ZNF398: variants seen among roughly 807,000 people sequenced by gnomAD.
ZNF398 encodes zinc finger protein 398, also known as zinc finger DNA binding protein ZER6.
Under a neutral mutation model 41.9 loss-of-function variants are expected in ZNF398, and 18 were observed. The observed-to-expected ratio is 0.43, with a 90% CI of 0.30 to 0.64. The LOEUF is 0.64. Among genes scored for constraint, ZNF398 ranks in the 30% least tolerant of loss-of-function variants. The probability of loss-of-function intolerance (pLI) is 0.14; values close to 1 mark genes in which losing one functional copy is unlikely to be tolerated. For synonymous variants in ZNF398, 260 were observed against 308.8 expected, an observed-to-expected ratio of 0.84 and a Z score of 1.66; for missense variants, 669 against 822.8, an observed-to-expected ratio of 0.81 and a Z score of 2.29.
Position 149,147,752 on chromosome 7 carries a change from G to T in ZNF398, c.10G>T (p.Ala4Ser). 7.2e-7 allele frequency: 1 copy of T among 1,384,004 alleles called. No individual in the cohort carries two copies. 85.7% of individuals were successfully genotyped at this position (1,384,004 alleles called of 1,614,324 possible). MAE[A>S]APAPTSEWDS... is the part of the protein sequence containing the mutation. ...TAGACAGCGCAGGGCCATGGCTGAG[G>T]CGGCCCCGGCCCCGGTAAGGGCGGC... Residue 4 changes from alanine (A) to serine (S), a missense_variant, in exon 1 of 6, where the codon GCG (alanine) becomes TCG (serine). Around this residue, in one of 3 missense-constraint regions of ZNF398, gnomAD observed 169 missense variants for 239.5 expected, o/e 0.71. Transcript: ENST00000475153. This position sits in a 1 kb window ranked among gnomAD's most constrained non-coding sequence, Gnocchi z 5.6.
chr7:149,169,963 A>G (rs1177883595), intron 4 of ZNF398, among the ~76,000 whole-genome samples: 1 of 152,218 alleles, frequency 6.6e-6, no homozygotes, highest in Non-Finnish European at 1.5e-5. Context: ...CAGGCTTCCC[A>G]GAGTCCTCTC....
intron 4 of ZNF398, among the ~76,000 whole-genome samples, chr7:149,167,349 C>A (rs1264433052): frequency 6.6e-6 from 1 of 152,188 alleles, no homozygotes; most frequent in Non-Finnish European, 1.5e-5. Context: ...TGACATCCAC[C>A]TGGGCAACAT....
chr7:149,170,555 G>A (rs983347285), intron 4 of ZNF398, among the ~76,000 whole-genome samples: 1 of 152,088 alleles, frequency 6.6e-6, no homozygotes, highest in Non-Finnish European at 1.5e-5. Context: ...CTGACACGGT[G>A]AAACCCTGTC....
In ZNF398 at chr7:149,181,976, C is replaced by T. The variant is rs1795602969; in HGVS notation, c.*2175C>T. Reference sequence around the variant, plus strand: ...AAGTATTGTCTAGGTGCTGAGTTCCCTTTTCTGAGTGGATTTCAAGCATTT... The same window carrying T: ...AAGTATTGTCTAGGTGCTGAGTTCCTTTTTCTGAGTGGATTTCAAGCATTT... On this transcript the variant is annotated 3_prime_UTR_variant, in exon 6 of 6. Transcript: ENST00000475153. The T allele has an allele frequency of 6.6e-6, 1 of 152,154 alleles. No individual in the cohort carries two copies. The highest frequency in any genetic ancestry group is 1.5e-5 in the Non-Finnish European group (1 of 68,034). The allele number at this position is 152,154 out of a possible 1,614,324, so 9.4% of individuals were successfully genotyped here. A position where few individuals can be genotyped will look rare whatever the true frequency, so the allele number is the denominator to read the frequency against.
chr7:149,133,006 C>A (rs143111983), intron 2 of ZNF398, among the ~76,000 whole-genome samples: 2 of 152,162 alleles, frequency 1.3e-5, no homozygotes, highest in East Asian at 3.9e-4. Context: ...TAAATAATTT[C>A]TTTTTAACTC....
At chr7:149,155,294 C>T (rs1478230267) in intron 2 of ZNF398, among the ~76,000 whole-genome samples, 2 of 152,056 alleles carry the variant, frequency 1.3e-5, no homozygotes, top group Non-Finnish European at 2.9e-5. Context: ...GTGGTGGGCG[C>T]CTTTAATCCC....
At position 149,147,860 on chromosome 7, in the gene ZNF398, C is replaced by T. The variant is rs1164612264; in HGVS notation, c.24+94C>T. On this transcript the variant is annotated intron_variant, in intron 1 of 5. Coordinates refer to ENST00000475153, the MANE Select transcript of ZNF398 (RefSeq NM_170686.3). This position sits in a 1 kb window ranked among gnomAD's most constrained non-coding sequence, Gnocchi z 5.6. ...GCAGGGAGCTGCCAGGCATAGGCGC[C>T]GTTCTCGGGTCCCGCCGGCCACGTC... The T allele has an allele frequency of 7.0e-6, 9 of 1,282,218 alleles. No individual in the cohort carries two copies. Among genetic ancestry groups the T allele is most frequent in the African/African-American group, 1.6e-5 (1 of 64,124 alleles). The allele number at this position is 1,282,218 out of a possible 1,614,324, so 79.4% of individuals were successfully genotyped here.
Position 149,179,997 on chromosome 7 carries a change from A to G in ZNF398, c.*196A>G. 2 of 497,642 alleles carry G rather than the reference A, an allele frequency of 4.0e-6. No homozygotes were observed. Among genetic ancestry groups the G allele is most frequent in the Non-Finnish European group, 6.9e-6 (2 of 290,620 alleles). 30.8% of individuals were successfully genotyped at this position (497,642 alleles called of 1,614,324 possible). A position where few individuals can be genotyped will look rare whatever the true frequency, so the allele number is the denominator to read the frequency against. ...CCCTTACAAGAATACCACATTTTGA[A>G]ACCCAGAAAGACCTGGAAAGGAGCC... On this transcript the variant is annotated 3_prime_UTR_variant, in exon 6 of 6. Coordinates refer to ENST00000475153, the MANE Select transcript of ZNF398 (RefSeq NM_170686.3). The surrounding 1 kb of genome is among the most constrained non-coding windows in gnomAD (Gnocchi z 6.1).
chr7:149,134,873 G>C (rs1187266520), intron 2 of ZNF398, among the ~76,000 whole-genome samples: 2 of 152,070 alleles, frequency 1.3e-5, no homozygotes, highest in African/African-American at 4.8e-5. Flanking sequence ...TGGGACTACA[G>C]GCACACACCA....
intron 2 of ZNF398, among the ~76,000 whole-genome samples, chr7:149,156,685 C>T (rs1585521667): frequency 1.3e-5 from 2 of 150,968 alleles, no homozygotes; most frequent in African/African-American, 4.9e-5. Context: ...ATGGAGAAAC[C>T]CCATCTCTAC....
At chr7:149,169,977 G>C in intron 4 of ZNF398, among the ~76,000 whole-genome samples, 1 of 152,112 alleles carries the variant, frequency 6.6e-6, no homozygotes, top group East Asian at 1.9e-4. Context: ...TCCTCTCCCA[G>C]TGGAGTCTTA....
chr7:149,157,671 CTACTAAAAG>C (rs1375627534), intron 2 of ZNF398, among the ~76,000 whole-genome samples: 1 of 149,834 alleles, frequency 6.7e-6, no homozygotes, highest in African/African-American at 2.5e-5. Context: ...AATCCCGTCT[CTACTAAAAG>C]TACAAAAATT....
chr7:149,145,598 A>G (rs1826921257), upstream of ZNF398, among the ~76,000 whole-genome samples: 1 of 152,228 alleles, frequency 6.6e-6, no homozygotes, highest in Admixed American at 6.5e-5. Context: ...AGTTGAGTTC[A>G]ACCAGTTTGA....
In ZNF398 at chr7:149,179,012, T is replaced by A. The variant is rs776819510; in HGVS notation, c.1140T>A (p.Thr380=). The part of the protein sequence containing the change: ...LPCAQCPKHF[T]PQADLSSTSQ... ...GTGCCCAGTGCCCTAAGCACTTTAC[T>A]CCACAGGCGGACCTCAGCAGCACCT... The change falls in exon 6 of 6, where the codon ACT becomes ACA. Residue 380 remains threonine, a synonymous_variant. Transcript: ENST00000475153. This position sits in a 1 kb window ranked among gnomAD's most constrained non-coding sequence, Gnocchi z 6.1. The A allele has an allele frequency of 3.1e-6, 5 of 1,613,234 alleles. No homozygotes were observed. The highest frequency in any genetic ancestry group is 3.4e-6 in the Non-Finnish European group (4 of 1,179,816).
chr7:149,181,445 A>G lies in ZNF398; in HGVS notation c.*1644A>G, dbSNP rs1795587933. On this transcript the variant is annotated 3_prime_UTR_variant, in exon 6 of 6. Transcript: ENST00000475153. ...TCTGCTTCTTCCTGAGGTCTAGAAC[A>G]AGGTCTGGAAATGTTTAGACAGGAT... 3 of 152,230 alleles carry G rather than the reference A, an allele frequency of 2.0e-5. No homozygotes were observed. Among genetic ancestry groups the G allele is most frequent in the Non-Finnish European group, 1.5e-5 (1 of 68,052 alleles). 9.4% of individuals were successfully genotyped at this position (152,230 alleles called of 1,614,324 possible).
At chr7:149,174,791 A>G (rs1020656754) in intron 4 of ZNF398, among the ~76,000 whole-genome samples, 7 of 152,202 alleles carry the variant, frequency 4.6e-5, no homozygotes, top group Non-Finnish European at 7.3e-5. Context: ...ACGCCACTGT[A>G]GTCCAGCCTG....
Position 149,182,822 on chromosome 7 carries a change from T to G in ZNF398, c.*3021T>G, listed in dbSNP as rs563726758. The G allele has an allele frequency of 9.8e-5, 15 of 152,330 alleles. No individual in the cohort carries two copies. The East Asian group carries it at 2.9e-3, about 29-fold the overall frequency. 9.4% of individuals were successfully genotyped at this position (152,330 alleles called of 1,614,324 possible). On this transcript the variant is annotated 3_prime_UTR_variant, in exon 6 of 6. Transcript: ENST00000475153. ...GTGCAAGAAGATGGCCCTGCTCCTT[T>G]TCTGCTGAACATTTAGTATTGGAAA... is the stretch of plus-strand genomic sequence containing the variant.
intron 1 of ZNF398, among the ~76,000 whole-genome samples, chr7:149,149,563 G>A (rs1257212539): frequency 6.6e-6 from 1 of 152,164 alleles, no homozygotes; most frequent in Non-Finnish European, 1.5e-5. Context: ...ATGGCCGGGT[G>A]TGGTGGCTCA....
chr7:149,178,092 C>T (rs938635529), intron 5 of ZNF398, among the ~76,000 whole-genome samples: 7 of 152,072 alleles, frequency 4.6e-5, no homozygotes, highest in African/African-American at 1.4e-4. Flanking sequence ...GAGATCGAGA[C>T]CATCCTGGCT....
Sources: gnomAD v4.1 joint callset for allele counts (sites outside exome capture counted in the v4.1 genomes callset) on GRCh38, gnomAD v4.1.1 for gene constraint, gnomAD v4.1.1 regional missense constraint, Gnocchi (gnomAD v3.1) non-coding constraint, MANE v1.5 for transcripts, NCBI Gene and HGNC (gene_info 2026-07-23, HGNC 2026-07-21) for gene names.